Variants in PLCZ1 observed in about 807,000 individuals in gnomAD.
The protein encoded by PLCZ1 is phospholipase C zeta 1, also known as 1-phosphatidylinositol 4,5-bisphosphate phosphodiesterase zeta-1.
In PLCZ1, 64 loss-of-function variants were observed where a neutral mutation model predicts 76.8. That is an observed-to-expected ratio of 0.83 (90% CI 0.68 to 1.03). PLCZ1 has a LOEUF of 1.03. Ranked by LOEUF, PLCZ1 falls within the 50% of genes least tolerant of loss-of-function variation. The pLI is 0.00. For synonymous variants in PLCZ1, 248 were observed against 230.8 expected, an observed-to-expected ratio of 1.07 and a Z score of -0.68; for missense variants, 751 against 713.7, an observed-to-expected ratio of 1.05 and a Z score of -0.60.
chr12:18,670,659 A>G, the PLCZ1 span, among the ~76,000 whole-genome samples: 5 of 152,254 alleles, frequency 3.3e-5, no homozygotes, highest in African/African-American at 4.8e-5. Context: ...ACATGTCTCT[A>G]TTACTATTAT....
chr12:18,693,965 G>T, intron 12 of PLCZ1: 3 of 1,514,172 alleles, frequency 2.0e-6, no homozygotes, highest in Non-Finnish European at 2.7e-6. Flanking sequence ...TGACATCAAG[G>T]CAGTCTGTAC....
downstream of PLCZ1, among the ~76,000 whole-genome samples, chr12:18,680,879 T>C (rs1952344784): frequency 6.6e-6 from 1 of 152,050 alleles, no homozygotes; most frequent in Non-Finnish European, 1.5e-5. Flanking sequence ...AGGGGTCAAT[T>C]CTATGATTGG....
At chr12:18,653,986 A>T in the PLCZ1 span, among the ~76,000 whole-genome samples, 1 of 152,100 alleles carries the variant, frequency 6.6e-6, no homozygotes, top group Non-Finnish European at 1.5e-5. Flanking sequence ...AAATAACTTG[A>T]GTAGCTTAAA....
chr12:18,673,705 G>A, the PLCZ1 span, among the ~76,000 whole-genome samples: 1 of 152,148 alleles, frequency 6.6e-6, no homozygotes, highest in Non-Finnish European at 1.5e-5. Context: ...CTCTCACAAG[G>A]CTACAAAGGG....
At chr12:18,693,645 T>C (rs972309377) in intron 12 of PLCZ1, 157 of 1,564,798 alleles carry the variant, frequency 1.0e-4, no homozygotes, top group Non-Finnish European at 1.3e-4. Flanking sequence ...ATTGACGCCA[T>C]TGGGACAAAA....
the PLCZ1 span, among the ~76,000 whole-genome samples, chr12:18,648,714 C>T: frequency 6.6e-6 from 1 of 151,996 alleles, no homozygotes; most frequent in African/African-American, 2.4e-5. Flanking sequence ...TGAAACTCTC[C>T]CTTCTGATCA....
intron 14 of PLCZ1, 87 bp downstream of exon 14, chr12:18,684,043 A>T: frequency 7.0e-7 from 1 of 1,432,200 alleles, no homozygotes; most frequent in South Asian, 1.2e-5. Context: ...TTTATGATAG[A>T]GCTATTTGGT....
intron 3 of PLCZ1, among the ~76,000 whole-genome samples, chr12:18,734,564 T>C (rs182079279): frequency 2.1e-3 from 315 of 152,276 alleles, no homozygotes; most frequent in African/African-American, 7.2e-3. Flanking sequence ...TTGGCCAGGC[T>C]GGCCTCGAAC....
In PLCZ1 at chr12:18,722,713, A is replaced by G. The variant is rs368383129; in HGVS notation, c.367+598T>C. Among the ~76,000 whole-genome samples the G allele has an allele frequency of 6.6e-5, 10 of 152,234 alleles. No homozygotes were observed. The South Asian group carries it at 1.0e-3, about 16-fold the overall frequency. On this transcript the variant is annotated intron_variant, in intron 4 of 14. Transcript: ENST00000266505. ...AGATGGAACAAAGATCACAAATTCT[A>G]TGACAGATCGTTAGCCTAAATGGTC...
chr12:18,680,368 C>T (rs1952298897), downstream of PLCZ1, among the ~76,000 whole-genome samples: 1 of 151,992 alleles, frequency 6.6e-6, no homozygotes, highest in East Asian at 1.9e-4. Flanking sequence ...CCTCAAGACA[C>T]TCCCTTATAT....
At chr12:18,684,405 AT>A in intron 13 of PLCZ1, 126 bp from the exon 14 acceptor site, 1 of 856,244 alleles carries the variant, frequency 1.2e-6, no homozygotes. Context: ...TTTAGAGCAC[AT>A]AGGTTTTTAA....
chr12:18,653,186 G>A, the PLCZ1 span, among the ~76,000 whole-genome samples: 1 of 152,112 alleles, frequency 6.6e-6, no homozygotes, highest in East Asian at 1.9e-4. Context: ...CCCACTCCCA[G>A]CATTGGCAGC....
chr12:18,733,164 A>G (rs1336974380), intron 3 of PLCZ1, among the ~76,000 whole-genome samples: 1 of 152,216 alleles, frequency 6.6e-6, no homozygotes, highest in African/African-American at 2.4e-5. Context: ...GTATGAGGTG[A>G]TAGCTCATGT....
At position 18,698,906 on chromosome 12, in the gene PLCZ1, C is replaced by T. The variant is rs532158566; in HGVS notation, c.1174+888G>A. On this transcript the variant is annotated intron_variant, in intron 10 of 14. Coordinates refer to ENST00000266505, the MANE Select transcript of PLCZ1 (RefSeq NM_033123.4). The stretch of plus-strand genomic sequence containing the variant: ...CTATAGTTTTGTATCCATTATTGTC[C>T]TTACTTCCCCCATACCCCTGCTACT... Among the ~76,000 whole-genome samples the T allele has an allele frequency of 2.0e-5, 3 of 152,160 alleles. No homozygotes were observed. In the South Asian group the frequency reaches 6.2e-4, roughly 32 times the overall value.
intron 10 of PLCZ1, 26 bp from the exon 11 acceptor site, chr12:18,696,292 T>C: frequency 1.0e-6 from 1 of 991,676 alleles, no homozygotes; most frequent in Non-Finnish European, 1.5e-6. Flanking sequence ...TAAAACATTG[T>C]GAAAGAATTC....
chr12:18,701,477 G>C (rs1305162955), intron 9 of PLCZ1, 24 bp downstream of exon 9: 1 of 1,613,952 alleles, frequency 6.2e-7, no homozygotes, highest in African/African-American at 1.3e-5. Flanking sequence ...TCACTTGTAA[G>C]ATTTTCACAA....
At chr12:18,653,590 C>T in the PLCZ1 span, among the ~76,000 whole-genome samples, 2,940 of 152,200 alleles carry the variant, frequency 0.019, 105 homozygotes, top group African/African-American at 0.067. Context: ...TGTATGTGTG[C>T]ATGCTATTTT....
chr12:18,683,406 T>A, intron 14 of PLCZ1, 82 bp from the exon 15 acceptor site: 1 of 1,488,926 alleles, frequency 6.7e-7, no homozygotes, highest in Non-Finnish European at 9.3e-7. Context: ...AAACAAGAGC[T>A]CTTTACTAAG....
the PLCZ1 span, among the ~76,000 whole-genome samples, chr12:18,672,645 T>G: frequency 6.6e-6 from 1 of 152,126 alleles, no homozygotes; most frequent in African/African-American, 2.4e-5. Flanking sequence ...TGACACTGAG[T>G]TTCTTATTGA....
Sources: allele counts gnomAD v4.1 joint callset (sites outside exome capture counted in the v4.1 genomes callset), GRCh38; gene constraint gnomAD v4.1.1; transcripts MANE v1.5; gene names NCBI Gene and HGNC (gene_info 2026-07-23, HGNC 2026-07-21).